The following SNX4 variants were observed in gnomAD, a reference collection of about 807,000 sequenced individuals.
The protein encoded by SNX4 is sorting nexin-4.
Under a neutral mutation model 70.8 loss-of-function variants are expected in SNX4, and 49 were observed. That is an observed-to-expected ratio of 0.69 (90% CI 0.55 to 0.88). The LOEUF is 0.88. Ranked by LOEUF, SNX4 falls within the 40% of genes least tolerant of loss-of-function variation. The pLI is 0.00. For missense variants in SNX4, 528 were observed against 544.8 expected, an observed-to-expected ratio of 0.97 and a Z score of 0.31; for synonymous variants, 206 against 183.8, an observed-to-expected ratio of 1.12 and a Z score of -0.98.
At chr3:125,459,232 A>G (rs1433964985) in intron 10 of SNX4, among the ~76,000 whole-genome samples, 2 of 152,076 alleles carry the variant, frequency 1.3e-5, no homozygotes, top group Non-Finnish European at 2.9e-5. Flanking sequence ...CTTTCCTCCA[A>G]TCCCACTATC....
chr3:125,480,283 C>G lies in SNX4; in HGVS notation c.690G>C (p.Leu230=). Residue 230 remains leucine (L), a synonymous_variant, in exon 7 of 14, where the codon CTG becomes CTC. Transcript: ENST00000251775. ...FTDLKHYSDE[L]QSVISHLLRV... is the part of the protein sequence containing the mutation. The stretch of plus-strand genomic sequence containing the variant: ...GAAGAAGATGTGAGATGACAGACTG[C>G]AGTTCATCACTATAGTGCTTAAGGT... 1 of 1,572,332 alleles carries G rather than the reference C, an allele frequency of 6.4e-7. No individual in the cohort carries two copies. Among genetic ancestry groups the G allele is most frequent in the Non-Finnish European group, 8.6e-7 (1 of 1,156,904 alleles).
At chr3:125,458,406 C>G (rs1409613308) in intron 10 of SNX4, among the ~76,000 whole-genome samples, 2 of 152,112 alleles carry the variant, frequency 1.3e-5, no homozygotes, top group Non-Finnish European at 2.9e-5. Flanking sequence ...TGGGCTCAAG[C>G]AATCCATCCA....
rs1310880185 is a variant in SNX4 at position 125,447,679 on chromosome 3, G to A, written c.*100C>T. On this transcript the variant is annotated 3_prime_UTR_variant, in exon 14 of 14. Coordinates refer to ENST00000251775, the MANE Select transcript of SNX4 (RefSeq NM_003794.4). Reference sequence around the variant, plus strand: ...GAAAGCTGAATTTATTTAACTTATTGTATATGTTTATGTATACTAGGTAGT... The same window carrying A: ...GAAAGCTGAATTTATTTAACTTATTATATATGTTTATGTATACTAGGTAGT... The A allele has an allele frequency of 2.7e-6, 2 of 728,186 alleles. No homozygotes were observed. Among genetic ancestry groups the A allele is most frequent in the Non-Finnish European group, 4.6e-6 (2 of 437,174 alleles). 45.1% of individuals were successfully genotyped at this position (728,186 alleles called of 1,614,324 possible).
intron 2 of SNX4, among the ~76,000 whole-genome samples, chr3:125,499,568 T>C (rs957897092): frequency 6.6e-6 from 1 of 152,146 alleles, no homozygotes; most frequent in African/African-American, 2.4e-5. Context: ...TTAAAGAGTA[T>C]ACCTAGACAT....
intron 6 of SNX4, among the ~76,000 whole-genome samples, chr3:125,481,611 T>C (rs1934415621): frequency 6.6e-6 from 1 of 152,090 alleles, no homozygotes; most frequent in South Asian, 2.1e-4. Context: ...ACCACACCCG[T>C]CTCTCTTTAG....
intron 1 of SNX4, among the ~76,000 whole-genome samples, chr3:125,514,499 C>T (rs1029386741): frequency 2.0e-5 from 3 of 151,034 alleles, no homozygotes; most frequent in African/African-American, 7.3e-5. Context: ...TCAAGCGATT[C>T]TCCTGCCTTA....
intron 2 of SNX4, among the ~76,000 whole-genome samples, chr3:125,501,938 G>C (rs1039709692): frequency 1.9e-4 from 29 of 152,266 alleles, no homozygotes; most frequent in African/African-American, 6.5e-4. Flanking sequence ...CTGGGCTACA[G>C]AAGAAAACAA....
At chr3:125,501,459 A>C (rs1934930639) in intron 2 of SNX4, among the ~76,000 whole-genome samples, 1 of 152,110 alleles carries the variant, frequency 6.6e-6, no homozygotes, top group African/African-American at 2.4e-5. Flanking sequence ...ATCTCTACTA[A>C]AAATACAAAA....
chr3:125,470,605 C>G (rs1465602537), intron 8 of SNX4, among the ~76,000 whole-genome samples: 1 of 151,560 alleles, frequency 6.6e-6, no homozygotes, highest in Non-Finnish European at 1.5e-5. Flanking sequence ...CCACAAGGGT[C>G]GCTCTAGTAT....
intron 12 of SNX4, among the ~76,000 whole-genome samples, chr3:125,453,496 TTTTATTTATTTATTTA>T: frequency 8.2e-6 from 1 of 121,750 alleles, no homozygotes; most frequent in East Asian, 2.8e-4. Flanking sequence ...TTTCTTTTAT[TTTTATTTATTTATTTA>T]TTTATTTATT....
At chr3:125,465,040 G>A (rs573880227) in intron 9 of SNX4, among the ~76,000 whole-genome samples, 26 of 151,670 alleles carry the variant, frequency 1.7e-4, no homozygotes, top group Admixed American at 1.4e-3. Flanking sequence ...CCACCATGCC[G>A]GGCCTAATTT....
At chr3:125,479,629 C>T (rs1356368380) in intron 7 of SNX4, among the ~76,000 whole-genome samples, 1 of 152,032 alleles carries the variant, frequency 6.6e-6, no homozygotes, top group African/African-American at 2.4e-5. Flanking sequence ...TGTGACCTTA[C>T]CTGGTATCCT....
chr3:125,519,602 C>T (rs1935355518), intron 1 of SNX4, among the ~76,000 whole-genome samples: 1 of 152,138 alleles, frequency 6.6e-6, no homozygotes, highest in Non-Finnish European at 1.5e-5. Context: ...CCACTGTGTC[C>T]CTTTAAGCTA....
intron 11 of SNX4, among the ~76,000 whole-genome samples, chr3:125,456,245 T>C (rs1331950496): frequency 1.3e-5 from 2 of 152,188 alleles, no homozygotes; most frequent in Non-Finnish European, 2.9e-5. Flanking sequence ...AGCTCCCTGT[T>C]AGGCGAGATG....
At chr3:125,500,161 C>A (rs568599410) in intron 2 of SNX4, among the ~76,000 whole-genome samples, 1 of 151,992 alleles carries the variant, frequency 6.6e-6, no homozygotes, top group East Asian at 1.9e-4. Flanking sequence ...TTCATTAGAC[C>A]CCAAAACTAC....
Position 125,520,141 on chromosome 3 carries a change from T to A in SNX4, c.32A>T (p.Gln11Leu). 7.1e-7 allele frequency: 1 copy of A among 1,409,238 alleles called. No homozygotes were observed. The highest frequency in any genetic ancestry group is 9.2e-7 in the Non-Finnish European group (1 of 1,084,168). 87.3% of individuals were successfully genotyped at this position (1,409,238 alleles called of 1,614,324 possible). A position where few individuals can be genotyped will look rare whatever the true frequency, so the allele number is the denominator to read the frequency against. Residue 11 changes from glutamine (Q) to leucine (L), a missense_variant, in exon 1 of 14, where the codon CAG (glutamine) becomes CTG (leucine). Gln to Leu is a moderately radical substitution (Grantham distance 113). Transcript: ENST00000251775. ...CGGCTCCAAGGGCGCCGGCTGGAGC[T>A]GCCGCTCGGGGTCCGGAGGTGCCTG... Reference protein sequence around the residue: MEQAPPDPERQLQPAPLEPLG... With the variant: MEQAPPDPERLLQPAPLEPLG...
intron 11 of SNX4, among the ~76,000 whole-genome samples, chr3:125,455,321 TTA>T (rs896215809): frequency 6.6e-6 from 1 of 152,192 alleles, no homozygotes; most frequent in Admixed American, 6.5e-5. Flanking sequence ...AAAAATTACT[TTA>T]TGTTATAAAA....
intron 5 of SNX4, among the ~76,000 whole-genome samples, chr3:125,494,881 A>C (rs998589298): frequency 1.3e-5 from 2 of 152,148 alleles, no homozygotes; most frequent in African/African-American, 4.8e-5. Context: ...CCTCACGCCA[A>C]ATGTACCCAT....
At chr3:125,474,440 C>T (rs985011075) in intron 8 of SNX4, among the ~76,000 whole-genome samples, 3 of 152,082 alleles carry the variant, frequency 2.0e-5, no homozygotes, top group Non-Finnish European at 4.4e-5. Context: ...ATCTTAGCCT[C>T]CCAAGCAGCT....
Sources: allele counts gnomAD v4.1 joint callset (sites outside exome capture counted in the v4.1 genomes callset), GRCh38; gene constraint gnomAD v4.1.1; transcripts MANE v1.5; gene names NCBI Gene and HGNC (gene_info 2026-07-23, HGNC 2026-07-21).